Variants in FBXL17 observed in about 807,000 individuals in gnomAD.
FBXL17 encodes F-box/LRR-repeat protein 17.
FBXL17 carries 22 observed loss-of-function variants against 66.2 expected under a neutral mutation model. That is an observed-to-expected ratio of 0.33 (90% confidence interval 0.24 to 0.47). The LOEUF (loss-of-function observed/expected upper bound fraction) is 0.47. Among genes scored for constraint, FBXL17 ranks in the 20% least tolerant of loss-of-function variants. The pLI is 1.00. For missense variants in FBXL17, 878 were observed against 948.2 expected (o/e 0.93, Z 0.97); for synonymous variants, 474 against 400.5 (o/e 1.18, Z -2.19).
In FBXL17 at chr5:107,881,190, G is replaced by A. The variant is rs759339557; in HGVS notation, c.1823-11C>T. Reference sequence around the variant, plus strand: ...CAATGGCTATCAGTGCTGCAAGAAGGGACGCAGAGAAAGCATTAATGTTAG... The same window carrying A: ...CAATGGCTATCAGTGCTGCAAGAAGAGACGCAGAGAAAGCATTAATGTTAG... On this transcript the variant is annotated splice_polypyrimidine_tract_variant and intron_variant, in intron 7 of 8. Coordinates refer to ENST00000542267, the MANE Select transcript of FBXL17 (RefSeq NM_001163315.3). 8.4e-6 allele frequency: 13 copies of A among 1,544,366 alleles called. No individual in the cohort carries two copies. The highest frequency in any genetic ancestry group is 1.4e-5 in the African/African-American group (1 of 73,278).
At chr5:108,297,720 TAAGC>T (rs1379364223) in intron 4 of FBXL17, 1 of 493,628 alleles carries the variant, frequency 2.0e-6, no homozygotes, top group East Asian at 1.5e-4. Flanking sequence ...CAAAAAACAT[TAAGC>T]AACTCAGAAA....
At chr5:107,955,069 T>G (rs183954369) in intron 7 of FBXL17, among the ~76,000 whole-genome samples, 1 of 152,094 alleles carries the variant, frequency 6.6e-6, no homozygotes, top group Non-Finnish European at 1.5e-5. Flanking sequence ...AAATGATCAG[T>G]TTTAATTATA....
rs1003859321 is a variant in FBXL17, at chr5:108,381,774, C to T, written c.-83G>A. On this transcript the variant is annotated 5_prime_UTR_variant, in exon 1 of 9. Transcript: ENST00000542267. ...GCTCCCGGCAGCGGGGCAGGCCGCT[C>T]GCTGGCTCGGCCCCCGGAGGGGTCG... 2.1e-5 allele frequency: 28 copies of T among 1,364,930 alleles called. No homozygotes were observed. The Admixed American group carries it at 6.8e-4, about 33-fold the overall frequency. 84.6% of individuals were successfully genotyped at this position (1,364,930 alleles called of 1,614,324 possible).
chr5:108,299,497 GAAAGA>G, intron 4 of FBXL17: 4 of 938,476 alleles, frequency 4.3e-6, no homozygotes, highest in Non-Finnish European at 5.1e-6. Flanking sequence ...ATTGAATAAG[GAAAGA>G]AAAGAAAACA....
intron 1 of FBXL17, among the ~76,000 whole-genome samples, chr5:108,376,178 A>C (rs746930284): frequency 2.0e-5 from 3 of 152,228 alleles, no homozygotes; most frequent in Non-Finnish European, 4.4e-5. Context: ...ATTATACTTA[A>C]TGGTAAAAGT....
chr5:108,164,397 G>A (rs951649098), intron 6 of FBXL17, among the ~76,000 whole-genome samples: 25 of 152,208 alleles, frequency 1.6e-4, no homozygotes, highest in African/African-American at 5.8e-4. Context: ...GGTAATTAAC[G>A]ATGTCTTAGT....
rs192680627 is a variant in FBXL17 at position 108,111,554 on chromosome 5, T to G, written c.1745+74563A>C. On this transcript the variant is annotated intron_variant, in intron 6 of 8. Coordinates refer to ENST00000542267, the MANE Select transcript of FBXL17 (RefSeq NM_001163315.3). ...AAATTAGCTACACTATCATTCATTCTTAAGTATTTATTGAATGCTGTATAC... is the reference window on the plus strand; with the variant it reads ...AAATTAGCTACACTATCATTCATTCGTAAGTATTTATTGAATGCTGTATAC... Among the ~76,000 whole-genome samples, 471 of 152,344 alleles carry G rather than the reference T, an allele frequency of 3.1e-3. 2 individuals are homozygous for G. The highest frequency in any genetic ancestry group is 0.011 in the African/African-American group (454 of 41,590).
intron 4 of FBXL17, among the ~76,000 whole-genome samples, chr5:108,246,158 A>G (rs2150107602): frequency 6.6e-6 from 1 of 152,210 alleles, no homozygotes; most frequent in South Asian, 2.1e-4. Context: ...CTCCCAGCAC[A>G]AATCTCTCCC....
In FBXL17 at chr5:108,357,964, A is replaced by T. The variant is rs369503240; in HGVS notation, c.1374+6774T>A. ...ACTTTTGGATGCTGTTGTAAATGAA[A>T]TCGTTTGGATTCTATTTCTTTTGGG... On this transcript the variant is annotated intron_variant, in intron 3 of 8. Coordinates refer to ENST00000542267, the MANE Select transcript of FBXL17 (RefSeq NM_001163315.3). Among the ~76,000 whole-genome samples, 3 of 152,210 alleles carry T rather than the reference A, an allele frequency of 2.0e-5. No homozygotes were observed. The South Asian group carries it at 6.2e-4, about 32-fold the overall frequency.
At chr5:107,862,886 C>T (rs961014780) in intron 8 of FBXL17, among the ~76,000 whole-genome samples, 2 of 145,440 alleles carry the variant, frequency 1.4e-5, no homozygotes, top group South Asian at 4.2e-4. Context: ...GCTATCTGCA[C>T]TTTTCTGAAA....
chr5:108,066,176 A>G (rs1748109909), intron 6 of FBXL17, among the ~76,000 whole-genome samples: 4 of 152,170 alleles, frequency 2.6e-5, no homozygotes. Context: ...AGACATCATG[A>G]CATTGATTAT....
chr5:108,178,972 T>C (rs1006599787), intron 6 of FBXL17, among the ~76,000 whole-genome samples: 2 of 152,216 alleles, frequency 1.3e-5, no homozygotes, highest in African/African-American at 4.8e-5. Flanking sequence ...CCTTGGGCAA[T>C]CTTTAAACCT....
intron 4 of FBXL17, among the ~76,000 whole-genome samples, chr5:108,333,946 T>C (rs778876978): frequency 2.2e-4 from 33 of 152,194 alleles, no homozygotes; most frequent in Non-Finnish European, 3.1e-4. Flanking sequence ...ACTATGCACT[T>C]TATATCCACC....
At chr5:108,107,061 T>C (rs1749826667) in intron 6 of FBXL17, among the ~76,000 whole-genome samples, 1 of 152,030 alleles carries the variant, frequency 6.6e-6, no homozygotes, top group African/African-American at 2.4e-5. Flanking sequence ...TCCTTAAAAA[T>C]CTCTGAGCTT....
rs542856526 is a variant in FBXL17, at chr5:108,022,086, A to T, written c.1746-1085T>A. ...TTCATTATTGAAGGTTAAATTAGTTATAGAGAAGACATATATGTTTTTTAA... is the reference window on the plus strand; with the variant it reads ...TTCATTATTGAAGGTTAAATTAGTTTTAGAGAAGACATATATGTTTTTTAA... On this transcript the variant is annotated intron_variant, in intron 6 of 8. Transcript: ENST00000542267. Among the ~76,000 whole-genome samples, 238 of 152,054 alleles carry T rather than the reference A, an allele frequency of 1.6e-3. 1 individual carries two copies. Among genetic ancestry groups the T allele is most frequent in the African/African-American group, 5.5e-3 (230 of 41,556 alleles).
At chr5:108,087,195 T>C (rs1206552840) in intron 6 of FBXL17, among the ~76,000 whole-genome samples, 5 of 152,096 alleles carry the variant, frequency 3.3e-5, no homozygotes, top group Admixed American at 3.3e-4. Flanking sequence ...TAAGTGCGAG[T>C]TGTTGCTTTT....
chr5:107,962,444 G>A (rs1018491806), intron 7 of FBXL17, among the ~76,000 whole-genome samples: 6 of 151,950 alleles, frequency 3.9e-5, no homozygotes, highest in African/African-American at 1.5e-4. Flanking sequence ...CACATGTATT[G>A]TATAACTTGG....
chr5:107,965,654 T>C (rs1752098722), intron 7 of FBXL17, among the ~76,000 whole-genome samples: 1 of 152,176 alleles, frequency 6.6e-6, no homozygotes, highest in Non-Finnish European at 1.5e-5. Flanking sequence ...AAATATGTTT[T>C]TAAACATACC....
At chr5:108,347,186 TA>T (rs1310520562) in intron 4 of FBXL17, among the ~76,000 whole-genome samples, 4 of 152,152 alleles carry the variant, frequency 2.6e-5, no homozygotes, top group African/African-American at 9.7e-5. Context: ...GGCCATATGG[TA>T]TAGCTTTTAT....
Sources: allele counts gnomAD v4.1 joint callset (sites outside exome capture counted in the v4.1 genomes callset), GRCh38; gene constraint gnomAD v4.1.1; transcripts MANE v1.5; gene names NCBI Gene and HGNC (gene_info 2026-07-23, HGNC 2026-07-21).